The following MED13L variants were observed in gnomAD, a reference collection of about 807,000 sequenced individuals.
MED13L encodes the protein mediator of RNA polymerase II transcription subunit 13-like.
A neutral mutation model predicts 220.9 loss-of-function variants in MED13L; 7 were observed. The observed-to-expected ratio is 0.03, with a 90% CI of 0.02 to 0.06. The LOEUF (loss-of-function observed/expected upper bound fraction) is 0.06. Ranked by LOEUF, MED13L falls within the 10% of genes least tolerant of loss-of-function variation. MED13L has a pLI of 1.00. For synonymous variants in MED13L, 1,011 were observed against 1,015.2 expected, an observed-to-expected ratio of 1.00 and a Z score of 0.08; for missense variants, 1,965 against 2,760.5, an observed-to-expected ratio of 0.71 and a Z score of 6.46.
chr12:116,041,427 C>A lies in MED13L; in HGVS notation c.480-18826G>T, dbSNP rs372896478. Among the ~76,000 whole-genome samples the A allele has an allele frequency of 3.9e-5, 6 of 152,096 alleles. No homozygotes were observed. The East Asian group carries it at 9.6e-4, about 24-fold the overall frequency. On this transcript the variant is annotated intron_variant, in intron 4 of 30. Coordinates refer to ENST00000281928, the MANE Select transcript of MED13L (RefSeq NM_015335.5). ...TCTCAGGTAGTTCTTTATAGCAGTG[C>A]GAAAATGGACTAATACAGGCCCGAA...
At chr12:116,246,393 C>G (rs868223001) in intron 1 of MED13L, among the ~76,000 whole-genome samples, 1 of 151,888 alleles carries the variant, frequency 6.6e-6, no homozygotes, top group Non-Finnish European at 1.5e-5. Flanking sequence ...GGCAACCAAT[C>G]CAGATTATGA....
chr12:116,152,542 C>G (rs973078182), intron 2 of MED13L, among the ~76,000 whole-genome samples: 15 of 152,104 alleles, frequency 9.9e-5, no homozygotes, highest in Non-Finnish European at 1.8e-4. Flanking sequence ...GGCTTGCCAC[C>G]TTCCCTGCAC....
chr12:116,108,393 G>A (rs987309607), intron 3 of MED13L, among the ~76,000 whole-genome samples: 1 of 140,358 alleles, frequency 7.1e-6, no homozygotes, highest in Non-Finnish European at 1.6e-5. Context: ...AAAAGAAAGG[G>A]GGGGGGGGCG....
At chr12:116,266,836 G>A (rs917128528) in intron 1 of MED13L, among the ~76,000 whole-genome samples, 10 of 152,054 alleles carry the variant, frequency 6.6e-5, no homozygotes, top group African/African-American at 2.4e-4. Context: ...TAATACAAAC[G>A]CTACAGATTC....
At chr12:116,042,564 T>G (rs984825519) in intron 4 of MED13L, among the ~76,000 whole-genome samples, 1 of 152,344 alleles carries the variant, frequency 6.6e-6, no homozygotes, top group Non-Finnish European at 1.5e-5. Flanking sequence ...AACTTGAAAT[T>G]TATATTACTA....
chr12:116,008,385 CAG>C lies in MED13L; in HGVS notation c.2012+14_2012+15del, dbSNP rs564143152. Reference sequence around the variant, plus strand: ...CCTTCCGGTGGACGGGTGGGTGGTGCAGAGAGCTGTCTTACCTTTGCAATGCA... The same window carrying C: ...CCTTCCGGTGGACGGGTGGGTGGTGCAGAGCTGTCTTACCTTTGCAATGCA... On this transcript the variant is annotated intron_variant, in intron 10 of 30. Coordinates refer to ENST00000281928, the MANE Select transcript of MED13L (RefSeq NM_015335.5). The C allele has an allele frequency of 6.6e-3, 10,533 of 1,597,950 alleles. 51 individuals are homozygous for C. Among genetic ancestry groups the C allele is most frequent in the Non-Finnish European group, 8.3e-3 (9,726 of 1,171,094 alleles).
intron 2 of MED13L, among the ~76,000 whole-genome samples, chr12:116,126,749 T>C (rs1257535664): frequency 6.6e-6 from 1 of 152,238 alleles, no homozygotes; most frequent in African/African-American, 2.4e-5. Context: ...CTTTACTTTC[T>C]TTGAGATTCT....
At chr12:116,276,928 G>C (rs1682263891) in intron 1 of MED13L, 132 bp downstream of exon 1, 1 of 1,077,840 alleles carries the variant, frequency 9.3e-7, no homozygotes, top group Non-Finnish European at 1.4e-6. Context: ...GAATCGGCGA[G>C]AGGCGAACGG....
intron 4 of MED13L, among the ~76,000 whole-genome samples, chr12:116,065,061 ATT>A (rs972496196): frequency 6.6e-6 from 1 of 152,208 alleles, no homozygotes; most frequent in African/African-American, 2.4e-5. Flanking sequence ...AATGGTATAT[ATT>A]TTTTATTTAT....
At chr12:116,056,917 T>C (rs1373712185) in intron 4 of MED13L, among the ~76,000 whole-genome samples, 3 of 152,228 alleles carry the variant, frequency 2.0e-5, no homozygotes, top group East Asian at 1.9e-4. Flanking sequence ...ACAGACCTCT[T>C]TGTCTACCTC....
intron 1 of MED13L, among the ~76,000 whole-genome samples, chr12:116,241,046 C>T (rs1035238317): frequency 4.6e-5 from 7 of 151,812 alleles, no homozygotes; most frequent in South Asian, 4.2e-4. Context: ...CAGTGGCTCA[C>T]GCCTGTAATC....
chr12:116,047,093 T>C (rs1176601354), intron 4 of MED13L, among the ~76,000 whole-genome samples: 1 of 152,276 alleles, frequency 6.6e-6, no homozygotes, highest in Non-Finnish European at 1.5e-5. Context: ...CTCATGCCTG[T>C]AATCCCAGCA....
chr12:116,083,226 C>T (rs918459928), intron 4 of MED13L, among the ~76,000 whole-genome samples: 4 of 151,592 alleles, frequency 2.6e-5, no homozygotes, highest in African/African-American at 7.3e-5. Flanking sequence ...GGCCATCTGG[C>T]GAAACTGTCT....
chr12:116,055,313 A>G (rs1296056561), intron 4 of MED13L, among the ~76,000 whole-genome samples: 2 of 152,224 alleles, frequency 1.3e-5, no homozygotes, highest in Non-Finnish European at 2.9e-5. Flanking sequence ...ATATTTCAAT[A>G]AAAAGATTTA....
At chr12:116,019,493 G>GA in intron 6 of MED13L, 81 bp from the exon 7 acceptor site, 1 of 1,495,894 alleles carries the variant, frequency 6.7e-7, no homozygotes, top group Non-Finnish European at 9.3e-7. Flanking sequence ...TTCCAATGGT[G>GA]AAAATGAGAT....
chr12:116,231,974 A>C (rs1353462797), intron 2 of MED13L: 1 of 524,218 alleles, frequency 1.9e-6, no homozygotes, highest in African/African-American at 2.1e-5. Context: ...AAAACTAAAA[A>C]AATCCAGCCT....
chr12:116,256,682 C>CTTT (rs35608298), intron 1 of MED13L, among the ~76,000 whole-genome samples: 2,856 of 96,184 alleles, frequency 0.03, 186 homozygotes, highest in Middle Eastern at 0.041. Context: ...AAACAAACTA[C>CTTT]TTTTTTTTTT....
At chr12:116,258,086 G>C (rs775812678) in intron 1 of MED13L, among the ~76,000 whole-genome samples, 6 of 152,130 alleles carry the variant, frequency 3.9e-5, no homozygotes, top group Non-Finnish European at 7.4e-5. Context: ...TTTTCAAAAG[G>C]CTCGAAAAAG....
At chr12:116,055,369 G>A (rs1051907400) in intron 4 of MED13L, among the ~76,000 whole-genome samples, 7 of 152,176 alleles carry the variant, frequency 4.6e-5, no homozygotes, top group East Asian at 1.9e-4. Context: ...ATTGCAAGTC[G>A]GATAATTAAA....
Sources: allele counts gnomAD v4.1 joint callset (sites outside exome capture counted in the v4.1 genomes callset), GRCh38; gene constraint gnomAD v4.1.1; transcripts MANE v1.5; gene names NCBI Gene and HGNC (gene_info 2026-07-23, HGNC 2026-07-21).